The following HNRNPF variants were observed in gnomAD, a reference collection of about 807,000 sequenced individuals.
HNRNPF encodes heterogeneous nuclear ribonucleoprotein F.
A neutral mutation model predicts 26.0 loss-of-function variants in HNRNPF; 2 were observed. The observed-to-expected ratio is 0.08, with a 90% confidence interval of 0.03 to 0.24. The LOEUF (loss-of-function observed/expected upper bound fraction) is 0.24, where lower values mean the gene tolerates loss of function less well. HNRNPF is among the 10% of genes least tolerant of loss of function. The probability of loss-of-function intolerance (pLI) is 1.00; values close to 1 mark genes in which losing one functional copy is unlikely to be tolerated. For missense variants in HNRNPF, 299 were observed against 539.2 expected, an observed-to-expected ratio of 0.55 and a Z score of 4.41; for synonymous variants, 234 against 211.5, an observed-to-expected ratio of 1.11 and a Z score of -0.92.
chr10:43,408,044 C>A (rs2131997073), intron 1 of HNRNPF, among the ~76,000 whole-genome samples: 1 of 152,356 alleles, frequency 6.6e-6, no homozygotes, highest in Non-Finnish European at 1.5e-5. Context: ...GCCTCAGCCT[C>A]CCGAGTAGCT....
chr10:43,403,741 G>T (rs1838824561), intron 1 of HNRNPF, among the ~76,000 whole-genome samples: 1 of 152,150 alleles, frequency 6.6e-6, no homozygotes, highest in African/African-American at 2.4e-5. Context: ...GCTCACACCT[G>T]TAATCCCAGC....
intron 3 of HNRNPF, among the ~76,000 whole-genome samples, chr10:43,391,318 C>T (rs1349072874): frequency 1.3e-5 from 2 of 151,106 alleles, no homozygotes; most frequent in Non-Finnish European, 2.9e-5. Context: ...ATTACCTGGA[C>T]GTGGTGGTGG....
chr10:43,390,743 T>C (rs1293286762), intron 3 of HNRNPF, among the ~76,000 whole-genome samples: 1 of 152,212 alleles, frequency 6.6e-6, no homozygotes, highest in African/African-American at 2.4e-5. Context: ...ATGGATGTAC[T>C]GAGTGGCTCA....
At chr10:43,391,292 CAA>C (rs56118525) in intron 3 of HNRNPF, among the ~76,000 whole-genome samples, 131 of 107,508 alleles carry the variant, frequency 1.2e-3, no homozygotes, top group Middle Eastern at 4.8e-3. Flanking sequence ...GACTCTGTCT[CAA>C]AAAAAAAAAA....
chr10:43,392,453 C>G (rs1416688583), intron 3 of HNRNPF, among the ~76,000 whole-genome samples: 2 of 152,156 alleles, frequency 1.3e-5, no homozygotes, highest in Admixed American at 1.3e-4. Context: ...ACAGGAGAAT[C>G]GCTTGGACCT....
chr10:43,387,956 AAATT>A lies in HNRNPF; in HGVS notation c.-52-24_-52-21del. On this transcript the variant is annotated intron_variant, in intron 3 of 3. Transcript: ENST00000682386. The surrounding 1 kb of genome is among the most constrained non-coding windows in gnomAD (Gnocchi z 6.0). Reference sequence around the variant, plus strand: ...TTGTGGCTGGAAAAAAAAAAAAGAAAAATTTATTTAGTATGCAACAGAAATTTTC... The same window carrying A: ...TTGTGGCTGGAAAAAAAAAAAAGAAATATTTAGTATGCAACAGAAATTTTC... 1.5e-6 allele frequency: 2 copies of A among 1,344,426 alleles called. No individual in the cohort carries two copies. The highest frequency in any genetic ancestry group is 2.9e-5 in the South Asian group (2 of 69,944). 83.3% of individuals were successfully genotyped at this position (1,344,426 alleles called of 1,614,324 possible). A position where few individuals can be genotyped will look rare whatever the true frequency, so the allele number is the denominator to read the frequency against.
intron 3 of HNRNPF, among the ~76,000 whole-genome samples, chr10:43,390,139 C>T (rs991034881): frequency 6.6e-6 from 1 of 152,188 alleles, no homozygotes; most frequent in Non-Finnish European, 1.5e-5. Flanking sequence ...CCTCTCCTGT[C>T]CACGGAGGGA....
chr10:43,393,285 G>A (rs572160763), intron 3 of HNRNPF, among the ~76,000 whole-genome samples: 3 of 151,958 alleles, frequency 2.0e-5, no homozygotes. Context: ...CCAGATTACC[G>A]ATATATCTTT....
chr10:43,387,928 T>G lies in HNRNPF; in HGVS notation c.-44A>C. The G allele has an allele frequency of 6.7e-7, 1 of 1,498,274 alleles. No individual in the cohort carries two copies. Among genetic ancestry groups the G allele is most frequent in the South Asian group, 1.3e-5 (1 of 78,452 alleles). The allele number at this position is 1,498,274 out of a possible 1,614,324, so 92.8% of individuals were successfully genotyped here. A position where few individuals can be genotyped will look rare whatever the true frequency, so the allele number is the denominator to read the frequency against. On this transcript the variant is annotated 5_prime_UTR_variant, in exon 4 of 4. Coordinates refer to ENST00000682386, the MANE Select transcript of HNRNPF (RefSeq NM_001098204.2). The surrounding 1 kb of genome is among the most constrained non-coding windows in gnomAD (Gnocchi z 6.0). Reference sequence around the variant, plus strand: ...GTGTCAGGTGATCTTGGGTGTGGCTTTTTTGTGGCTGGAAAAAAAAAAAAG... The same window carrying G: ...GTGTCAGGTGATCTTGGGTGTGGCTGTTTTGTGGCTGGAAAAAAAAAAAAG...
At chr10:43,407,206 C>G (rs955232114) in intron 1 of HNRNPF, among the ~76,000 whole-genome samples, 3 of 151,208 alleles carry the variant, frequency 2.0e-5, no homozygotes, top group Non-Finnish European at 3.0e-5. Context: ...GCGCAGGGCC[C>G]GCCCCGCGCG....
At chr10:43,398,605 G>A (rs1838648072) in intron 1 of HNRNPF, among the ~76,000 whole-genome samples, 2 of 151,694 alleles carry the variant, frequency 1.3e-5, no homozygotes, top group Non-Finnish European at 2.9e-5. Flanking sequence ...CTCTCAAAGT[G>A]CTGGGATTAC....
chr10:43,407,238 C>T (rs1412290337), intron 1 of HNRNPF, among the ~76,000 whole-genome samples: 1 of 151,326 alleles, frequency 6.6e-6, no homozygotes, highest in African/African-American at 2.4e-5. Flanking sequence ...CCGCCGCCGC[C>T]GCCCGTTGCC....
intron 1 of HNRNPF, among the ~76,000 whole-genome samples, chr10:43,406,474 G>A (rs925778080): frequency 6.6e-6 from 1 of 152,080 alleles, no homozygotes; most frequent in African/African-American, 2.4e-5. Flanking sequence ...CGTGAGAATC[G>A]CTTGAGCACA....
intron 3 of HNRNPF, among the ~76,000 whole-genome samples, chr10:43,391,071 G>A (rs1053118909): frequency 3.9e-5 from 6 of 152,062 alleles, no homozygotes; most frequent in African/African-American, 1.4e-4. Flanking sequence ...TTGGGAGGCC[G>A]AGGTGGGTGG....
Position 43,390,795 on chromosome 10 carries a change from T to G in HNRNPF, c.-52-2859A>C, listed in dbSNP as rs555164899. ...CGAAACGGTGCCTCTAAGCTACAAT[T>G]TCTCAGCCTCAGGACTACTGACATT... On this transcript the variant is annotated intron_variant, in intron 3 of 3. Transcript: ENST00000682386. Among the ~76,000 whole-genome samples, 7 of 152,262 alleles carry G rather than the reference T, an allele frequency of 4.6e-5. No homozygotes were observed. The South Asian group carries it at 1.5e-3, about 32-fold the overall frequency.
intron 1 of HNRNPF, chr10:43,396,912 AGGG>A (rs1838556760): frequency 2.1e-4 from 1 of 4,826 alleles, no homozygotes; most frequent in Middle Eastern, 0.083. Flanking sequence ...AGGGGAGGGG[AGGG>A]GAGGGGGCCC....
chr10:43,388,606 A>G (rs1195834004), intron 3 of HNRNPF, among the ~76,000 whole-genome samples: 1 of 152,282 alleles, frequency 6.6e-6, no homozygotes, highest in Non-Finnish European at 1.5e-5. Flanking sequence ...AGTTATGTGC[A>G]CTGCAAATAA....
intron 3 of HNRNPF, among the ~76,000 whole-genome samples, chr10:43,391,548 C>G (rs1326529189): frequency 6.6e-6 from 1 of 152,142 alleles, no homozygotes; most frequent in African/African-American, 2.4e-5. Context: ...ACTGTCCTAC[C>G]CCAGCACCCT....
At chr10:43,391,445 G>C (rs1442242160) in intron 3 of HNRNPF, among the ~76,000 whole-genome samples, 2 of 151,332 alleles carry the variant, frequency 1.3e-5, no homozygotes, top group Non-Finnish European at 2.9e-5. Flanking sequence ...GTGACGGAGC[G>C]AGACTAACTC....
Sources: gnomAD v4.1 joint callset for allele counts (sites outside exome capture counted in the v4.1 genomes callset) on GRCh38, gnomAD v4.1.1 for gene constraint, Gnocchi (gnomAD v3.1) non-coding constraint, MANE v1.5 for transcripts, NCBI Gene and HGNC (gene_info 2026-07-23, HGNC 2026-07-21) for gene names.